Variants in PKIG observed in about 807,000 individuals in gnomAD.
The protein encoded by PKIG is protein kinase (cAMP-dependent, catalytic) inhibitor gamma.
Under a neutral mutation model 6.8 loss-of-function variants are expected in PKIG, and 1 was observed. The ratio of observed to expected loss-of-function variants is 0.15; its 90% CI spans 0.05 to 0.69. The LOEUF (loss-of-function observed/expected upper bound fraction) is 0.69. Ranked by LOEUF, PKIG falls within the 30% of genes least tolerant of loss-of-function variation. The pLI, the probability that PKIG is intolerant of heterozygous loss-of-function variation, is 0.82. For missense variants in PKIG, 77 were observed against 104.0 expected, an observed-to-expected ratio of 0.74 and a Z score of 1.13; for synonymous variants, 39 against 43.0, an observed-to-expected ratio of 0.91 and a Z score of 0.36.
At chr20:44,560,886 G>A (rs747729993) in intron 1 of PKIG, among the ~76,000 whole-genome samples, 1 of 152,102 alleles carries the variant, frequency 6.6e-6, no homozygotes, top group Non-Finnish European at 1.5e-5. Flanking sequence ...CTAGCACATG[G>A]GATTAAAACC....
chr20:44,562,377 G>A (rs1476243530), intron 1 of PKIG, among the ~76,000 whole-genome samples: 2 of 151,978 alleles, frequency 1.3e-5, no homozygotes, highest in Non-Finnish European at 1.5e-5. Context: ...TTGGGGGACC[G>A]AGGCGGGCAA....
At chr20:44,559,978 G>A (rs760578906) in intron 1 of PKIG, among the ~76,000 whole-genome samples, 17 of 151,578 alleles carry the variant, frequency 1.1e-4, no homozygotes, top group Admixed American at 2.0e-4. Context: ...TGAGGTGGGC[G>A]GATCACTTGA....
chr20:44,581,030 C>G (rs1330032514), upstream of PKIG, among the ~76,000 whole-genome samples: 2 of 152,136 alleles, frequency 1.3e-5, no homozygotes, highest in East Asian at 3.9e-4. Flanking sequence ...GTTTCCTTTC[C>G]CAGGCTGGCT....
chr20:44,607,216 A>T (rs1360655368), intron 2 of PKIG, among the ~76,000 whole-genome samples: 2 of 152,090 alleles, frequency 1.3e-5, no homozygotes, highest in African/African-American at 4.8e-5. Flanking sequence ...CATGCAGACA[A>T]TAAAAGGAAC....
At chr20:44,579,550 TATTA>T (rs563511443), upstream of PKIG, among the ~76,000 whole-genome samples, 1 of 152,238 alleles carries the variant, frequency 6.6e-6, no homozygotes, top group Admixed American at 6.5e-5. Flanking sequence ...AAGATGTGAA[TATTA>T]ATAATGTCTC....
intron 1 of PKIG, among the ~76,000 whole-genome samples, chr20:44,534,134 T>C (rs2064492111): frequency 6.6e-6 from 1 of 152,120 alleles, no homozygotes; most frequent in Non-Finnish European, 1.5e-5. Flanking sequence ...TGAAGTTTTT[T>C]TGAGCATGAG....
intron 1 of PKIG, among the ~76,000 whole-genome samples, chr20:44,564,798 A>G (rs1181718805): frequency 6.6e-6 from 1 of 152,156 alleles, no homozygotes; most frequent in African/African-American, 2.4e-5. Flanking sequence ...ACTTTCTATA[A>G]CACTCCATTC....
At chr20:44,615,147 AT>A (rs1005627163) in intron 3 of PKIG, among the ~76,000 whole-genome samples, 9 of 151,858 alleles carry the variant, frequency 5.9e-5, no homozygotes, top group African/African-American at 1.9e-4. Flanking sequence ...AAAAAAAAAA[AT>A]CCCCCAGTGG....
At chr20:44,592,278 C>A (rs2123391582) in intron 2 of PKIG, among the ~76,000 whole-genome samples, 1 of 152,300 alleles carries the variant, frequency 6.6e-6, no homozygotes, top group South Asian at 2.1e-4. Context: ...TCTCTGACTT[C>A]TGTGGGTAGC....
intron 1 of PKIG, among the ~76,000 whole-genome samples, chr20:44,534,472 C>CTT (rs777434666): frequency 7.1e-6 from 1 of 141,750 alleles, no homozygotes; most frequent in Non-Finnish European, 1.5e-5. Context: ...ATGCACCATT[C>CTT]TTTTTTTTTT....
chr20:44,590,097 A>G (rs1303103484), intron 2 of PKIG, among the ~76,000 whole-genome samples: 1 of 151,920 alleles, frequency 6.6e-6, no homozygotes, highest in Non-Finnish European at 1.5e-5. Context: ...TTTTAATAGC[A>G]TCAGAAAGAA....
At chr20:44,534,224 A>G (rs2064492896) in intron 1 of PKIG, among the ~76,000 whole-genome samples, 1 of 152,194 alleles carries the variant, frequency 6.6e-6, no homozygotes, top group Admixed American at 6.5e-5. Context: ...GGGAGAATTG[A>G]TAGTATAACT....
At chr20:44,582,040 A>G (rs953862640), upstream of PKIG, among the ~76,000 whole-genome samples, 1 of 152,068 alleles carries the variant, frequency 6.6e-6, no homozygotes, top group African/African-American at 2.4e-5. Flanking sequence ...CAGGGGACAC[A>G]CCAGTGCTGT....
intron 1 of PKIG, among the ~76,000 whole-genome samples, chr20:44,565,151 T>C (rs926608729): frequency 2.6e-5 from 4 of 152,244 alleles, no homozygotes; most frequent in Non-Finnish European, 1.5e-5. Flanking sequence ...CAATAGGTTT[T>C]GTGTGTTAGT....
At chr20:44,535,229 G>C (rs1449992327) in intron 1 of PKIG, among the ~76,000 whole-genome samples, 1 of 152,110 alleles carries the variant, frequency 6.6e-6, no homozygotes, top group Non-Finnish European at 1.5e-5. Flanking sequence ...GATGAGTAAG[G>C]TAAAGTAGTT....
At chr20:44,566,921 C>G (rs2064815260) in intron 1 of PKIG, among the ~76,000 whole-genome samples, 1 of 152,154 alleles carries the variant, frequency 6.6e-6, no homozygotes, top group African/African-American at 2.4e-5. Flanking sequence ...TCAGTTGTAA[C>G]CCATAGGTAC....
At chr20:44,541,964 T>C (rs994698142) in intron 1 of PKIG, among the ~76,000 whole-genome samples, 11 of 152,138 alleles carry the variant, frequency 7.2e-5, no homozygotes, top group Non-Finnish European at 1.6e-4. Context: ...GCTGGGATTA[T>C]AGGCATAAGC....
chr20:44,604,466 A>G (rs2065147240), intron 2 of PKIG, among the ~76,000 whole-genome samples: 1 of 152,232 alleles, frequency 6.6e-6, no homozygotes, highest in Admixed American at 6.5e-5. Flanking sequence ...GTGTAGAACA[A>G]TTAGAGAAAC....
chr20:44,574,346 G>GT (rs59551871), intron 1 of PKIG, among the ~76,000 whole-genome samples: 9,221 of 151,586 alleles, frequency 0.061, 438 homozygotes, highest in African/African-American at 0.14. Context: ...TCGAGATATG[G>GT]TTTTTTTTAA....
Sources: allele counts gnomAD v4.1 joint callset (sites outside exome capture counted in the v4.1 genomes callset), GRCh38; gene constraint gnomAD v4.1.1; transcripts MANE v1.5; gene names NCBI Gene and HGNC (gene_info 2026-07-23, HGNC 2026-07-21).